Variants in SPAG16 observed in about 807,000 individuals in gnomAD.
The protein encoded by SPAG16 is sperm-associated antigen 16 protein.
SPAG16 carries 86 observed loss-of-function variants against 80.4 expected under a neutral mutation model. The ratio of observed to expected loss-of-function variants is 1.07; its 90% CI spans 0.90 to 1.28. The LOEUF (loss-of-function observed/expected upper bound fraction) is 1.28. Ranked by LOEUF, SPAG16 falls within the 50% of genes most tolerant of loss-of-function variation. The pLI is 0.00. For synonymous variants in SPAG16, 294 were observed against 265.9 expected (o/e 1.11, Z -1.03); for missense variants, 870 against 765.3 (o/e 1.14, Z -1.61).
intron 11 of SPAG16, among the ~76,000 whole-genome samples, chr2:213,889,491 C>A (rs1408752695): frequency 6.6e-6 from 1 of 150,992 alleles, no homozygotes; most frequent in Non-Finnish European, 1.5e-5. Context: ...ATGCTGACAA[C>A]AAAGTTTTCT....
intron 10 of SPAG16, among the ~76,000 whole-genome samples, chr2:213,814,599 G>T (rs182633196): frequency 5.9e-5 from 9 of 152,220 alleles, no homozygotes; most frequent in Admixed American, 1.3e-4. Context: ...AGAACAGCCT[G>T]GCCAACATAG....
rs113179848 is a variant in SPAG16 at position 213,340,214 on chromosome 2, A to C, written c.588A>C (p.Arg196=). The change falls in exon 6 of 16, where the codon CGA becomes CGC. Residue 196 remains arginine, a synonymous_variant. Coordinates refer to ENST00000331683, the MANE Select transcript of SPAG16 (RefSeq NM_024532.5). Reference sequence around the variant, plus strand: ...TTCAGAAAGAACGTGATTTTCATCGAATGCATCATAAGCGAATAGTCCAGG... The same window carrying C: ...TTCAGAAAGAACGTGATTTTCATCGCATGCATCATAAGCGAATAGTCCAGG... ...LKIQKERDFH[R]MHHKRIVQEK... The C allele has an allele frequency of 1.0e-4, 162 of 1,613,156 alleles. No homozygotes were observed. In the Middle Eastern group the frequency reaches 4.3e-3, roughly 43 times the overall value.
chr2:214,363,496 G>A (rs182757288), intron 15 of SPAG16, among the ~76,000 whole-genome samples: 20 of 151,784 alleles, frequency 1.3e-4, no homozygotes, highest in Admixed American at 3.3e-4. Context: ...CCACATTTCC[G>A]TTTACCACAT....
rs553641634 is a variant in SPAG16, at chr2:213,823,194, T to C, written c.1071-39291T>C. ...AACTAATTTACATTCCCACCAAAAG[T>C]GTAAAAGTGTTCCTATTTCTCCACA... On this transcript the variant is annotated intron_variant, in intron 10 of 15. Transcript: ENST00000331683. Among the ~76,000 whole-genome samples, 9 of 152,304 alleles carry C rather than the reference T, an allele frequency of 5.9e-5. No homozygotes were observed. The East Asian group carries it at 1.7e-3, about 29-fold the overall frequency.
intron 10 of SPAG16, among the ~76,000 whole-genome samples, chr2:213,515,022 T>G (rs543785019): frequency 3.3e-4 from 50 of 152,278 alleles, no homozygotes; most frequent in South Asian, 8.3e-4. Context: ...ATTCAAATTT[T>G]ATCACCTAGA....
intron 15 of SPAG16, among the ~76,000 whole-genome samples, chr2:214,355,816 A>T (rs1271582030): frequency 1.3e-5 from 2 of 151,800 alleles, no homozygotes; most frequent in Non-Finnish European, 2.9e-5. Flanking sequence ...AATGTGGCAC[A>T]TATACACCAT....
intron 10 of SPAG16, among the ~76,000 whole-genome samples, chr2:213,819,959 A>G (rs986368057): frequency 3.0e-5 from 2 of 67,666 alleles, no homozygotes; most frequent in African/African-American, 4.5e-5. Flanking sequence ...TTTTTTTTTT[A>G]GTAGAGACGG....
At chr2:213,489,859 G>A in intron 9 of SPAG16, 104 bp from the exon 10 acceptor site, 1 of 902,552 alleles carries the variant, frequency 1.1e-6, no homozygotes, top group Non-Finnish European at 1.5e-6. Context: ...TAAATTCTGG[G>A]CAAATATAAT....
At chr2:214,082,092 C>T (rs1328662255) in intron 13 of SPAG16, among the ~76,000 whole-genome samples, 2 of 152,144 alleles carry the variant, frequency 1.3e-5, no homozygotes, top group Non-Finnish European at 2.9e-5. Context: ...TGCCTTTCTT[C>T]CTGGCTCTTC....
intron 10 of SPAG16, among the ~76,000 whole-genome samples, chr2:213,589,855 G>A (rs2060620178): frequency 6.6e-6 from 1 of 151,098 alleles, no homozygotes; most frequent in African/African-American, 2.4e-5. Context: ...TTGGGTGGCA[G>A]AGGTTTCAGT....
chr2:213,356,604 CA>C (rs1436449154), intron 7 of SPAG16, among the ~76,000 whole-genome samples: 1 of 152,158 alleles, frequency 6.6e-6, no homozygotes, highest in Non-Finnish European at 1.5e-5. Context: ...TCCCCTTTAT[CA>C]TTTTTTTATT....
chr2:214,156,642 G>A (rs951977678), intron 15 of SPAG16, among the ~76,000 whole-genome samples: 3 of 152,012 alleles, frequency 2.0e-5, no homozygotes, highest in African/African-American at 7.2e-5. Flanking sequence ...GGCAGATATG[G>A]TAGGACAACA....
intron 9 of SPAG16, among the ~76,000 whole-genome samples, chr2:213,479,081 G>C (rs369946583): frequency 7.6e-5 from 11 of 144,884 alleles, no homozygotes; most frequent in African/African-American, 2.5e-4. Flanking sequence ...TCTTCTCCAG[G>C]CACACTGGCT....
intron 15 of SPAG16, among the ~76,000 whole-genome samples, chr2:214,396,894 T>C (rs938327193): frequency 1.1e-4 from 17 of 151,970 alleles, no homozygotes; most frequent in Non-Finnish European, 2.1e-4. Context: ...CTTTGATAAA[T>C]AGCCCTTAAA....
intron 3 of SPAG16, among the ~76,000 whole-genome samples, chr2:213,309,008 C>G (rs1434969235): frequency 6.6e-6 from 1 of 152,132 alleles, no homozygotes; most frequent in South Asian, 2.1e-4. Flanking sequence ...CTTGTACACA[C>G]AGCCTGAAGG....
At chr2:214,358,164 T>A (rs926867862) in intron 15 of SPAG16, among the ~76,000 whole-genome samples, 8 of 152,026 alleles carry the variant, frequency 5.3e-5, no homozygotes, top group Non-Finnish European at 1.5e-5. Context: ...TAAAAAGCAT[T>A]CCCTGGAGGT....
In SPAG16 at chr2:213,832,633, A is replaced by G. The variant is rs370924501; in HGVS notation, c.1071-29852A>G. ...CCTAGGAGAGAGGAATCCTACACAG[A>G]GAGGCCAAGAAGAATTGGAACAGAC... On this transcript the variant is annotated intron_variant, in intron 10 of 15. Transcript: ENST00000331683. Among the ~76,000 whole-genome samples, 4 of 152,264 alleles carry G rather than the reference A, an allele frequency of 2.6e-5. No homozygotes were observed. The East Asian group carries it at 7.7e-4, about 29-fold the overall frequency.
intron 12 of SPAG16, among the ~76,000 whole-genome samples, chr2:213,959,643 G>T (rs910589891): frequency 3.3e-5 from 5 of 152,124 alleles, no homozygotes; most frequent in Admixed American, 1.3e-4. Context: ...TAATTACACA[G>T]GTACTCTTCC....
chr2:213,557,895 C>T (rs1031625948), intron 10 of SPAG16, among the ~76,000 whole-genome samples: 14 of 152,124 alleles, frequency 9.2e-5, no homozygotes, highest in African/African-American at 3.4e-4. Context: ...GCAGCATAAT[C>T]CTATTCTTTC....
Sources: allele counts gnomAD v4.1 joint callset (sites outside exome capture counted in the v4.1 genomes callset), GRCh38; gene constraint gnomAD v4.1.1; transcripts MANE v1.5; gene names NCBI Gene and HGNC (gene_info 2026-07-23, HGNC 2026-07-21).